CA12: variants seen among roughly 807,000 people sequenced by gnomAD.
The protein encoded by CA12 is carbonate dehydratase XII.
CA12 carries 36 observed loss-of-function variants against 46.8 expected under a neutral mutation model. The observed-to-expected ratio is 0.77, with a 90% CI of 0.59 to 1.02. CA12 has a LOEUF of 1.02. CA12 is among the 50% of genes least tolerant of loss of function. CA12 has a pLI of 0.00. For missense variants in CA12, 436 were observed against 451.4 expected, an observed-to-expected ratio of 0.97 and a Z score of 0.31; for synonymous variants, 202 against 187.0, an observed-to-expected ratio of 1.08 and a Z score of -0.65.
intron 3 of CA12, among the ~76,000 whole-genome samples, chr15:63,346,317 G>A (rs922884184): frequency 6.6e-6 from 1 of 152,166 alleles, no homozygotes; most frequent in Non-Finnish European, 1.5e-5. Context: ...CTTCTTCTGG[G>A]AAGTGCGGCC....
At chr15:63,357,929 C>CA (rs1426625728) in intron 2 of CA12, among the ~76,000 whole-genome samples, 1 of 152,160 alleles carries the variant, frequency 6.6e-6, no homozygotes, top group Non-Finnish European at 1.5e-5. Flanking sequence ...AATATGTGGT[C>CA]AATTGCAGGT....
At chr15:63,344,982 G>A (rs1362792167) in intron 4 of CA12, among the ~76,000 whole-genome samples, 1 of 152,146 alleles carries the variant, frequency 6.6e-6, no homozygotes, top group East Asian at 1.9e-4. Flanking sequence ...TAGACTTGTG[G>A]CCAGGTAGAA....
At position 63,322,023 on chromosome 15, in the gene CA12, C is replaced by G. The variant is rs569059522; in HGVS notation, c.*4262G>C. On this transcript the variant is annotated 3_prime_UTR_variant, in exon 11 of 11. Coordinates refer to ENST00000178638, the MANE Select transcript of CA12 (RefSeq NM_001218.5). The surrounding 1 kb of genome is among the most constrained non-coding windows in gnomAD (Gnocchi z 4.1). The stretch of plus-strand genomic sequence containing the variant: ...CTCAGTCTCTGAAAGTCGGGTTCGT[C>G]GTCCGGGTCTGCGCAGGGCATGGAT... 2 of 152,190 alleles carry G rather than the reference C, an allele frequency of 1.3e-5. No homozygotes were observed. Among genetic ancestry groups the G allele is most frequent in the African/African-American group, 4.8e-5 (2 of 41,428 alleles). 9.4% of individuals were successfully genotyped at this position (152,190 alleles called of 1,614,324 possible). A position where few individuals can be genotyped will look rare whatever the true frequency, so the allele number is the denominator to read the frequency against.
At chr15:63,343,849 C>G (rs879366565) in intron 4 of CA12, among the ~76,000 whole-genome samples, 1 of 152,096 alleles carries the variant, frequency 6.6e-6, no homozygotes, top group Non-Finnish European at 1.5e-5. Context: ...ATCACTAAGC[C>G]AAAGAGAAAA....
chr15:63,360,822 T>C (rs1450956043), intron 2 of CA12, among the ~76,000 whole-genome samples: 2 of 152,202 alleles, frequency 1.3e-5, no homozygotes, highest in East Asian at 3.8e-4. Context: ...TAGCACTTAG[T>C]GTGCTTCATT....
In CA12 at chr15:63,338,874, G is replaced by A. The variant is rs2152614789; in HGVS notation, c.819C>T (p.Asn273=). Residue 273 remains asparagine (N), a synonymous_variant, in exon 8 of 11, where the codon AAC becomes AAT. Transcript: ENST00000178638. ...CATCGAACTTCTGGACCTGCCGGAA[G>A]TTGTTGATCATTTCTCTGGGGGAAG... ...DDPSPREMIN[N]FRQVQKFDER... is the part of the protein sequence containing the mutation. 1 of 1,614,206 alleles carries A rather than the reference G, an allele frequency of 6.2e-7. No homozygotes were observed. The highest frequency in any genetic ancestry group is 1.1e-5 in the South Asian group (1 of 91,080).
intron 2 of CA12, among the ~76,000 whole-genome samples, chr15:63,357,610 A>T (rs1053810048): frequency 6.6e-6 from 1 of 152,108 alleles, no homozygotes; most frequent in Non-Finnish European, 1.5e-5. Flanking sequence ...GAGCAGAGTC[A>T]GGGCCTTTTT....
At chr15:63,368,914 T>G (rs1185463586) in intron 2 of CA12, among the ~76,000 whole-genome samples, 1 of 152,034 alleles carries the variant, frequency 6.6e-6, no homozygotes, top group African/African-American at 2.4e-5. Context: ...AACCCCAAAC[T>G]AGGCTCAGCC....
At chr15:63,364,883 C>T (rs1452977643) in intron 2 of CA12, among the ~76,000 whole-genome samples, 1 of 152,240 alleles carries the variant, frequency 6.6e-6, no homozygotes, top group East Asian at 1.9e-4. Context: ...CTCTTTCAGC[C>T]CTGTGCTGCT....
Position 63,341,988 on chromosome 15 carries a change from T to C in CA12, c.525+14A>G, listed in dbSNP as rs1413031254. On this transcript the variant is annotated intron_variant, in intron 5 of 10. Coordinates refer to ENST00000178638, the MANE Select transcript of CA12 (RefSeq NM_001218.5). This position sits in a 1 kb window ranked among gnomAD's most constrained non-coding sequence, Gnocchi z 5.2. ...CTTCAAATTTCACCTAAGAACCTTT[T>C]AAATATCTCTTACCTCAATGAGAAC... 6.3e-7 allele frequency: 1 copy of C among 1,592,202 alleles called. No homozygotes were observed.
At chr15:63,346,805 C>T in intron 2 of CA12, 96 bp from the exon 3 acceptor site, 1 of 1,402,382 alleles carries the variant, frequency 7.1e-7, no homozygotes, top group Admixed American at 1.8e-5. Context: ...CTCCTTTTCT[C>T]CTCTTTTCTG....
rs1446173712 is a variant in CA12, at chr15:63,330,735, G to A, written c.875-2605C>T. ...CCCTGCGTGGTGGCTTCTCTGGAGG[G>A]AGAGTCTGGCTTCCCCCGGTTATTA... On this transcript the variant is annotated intron_variant, in intron 8 of 10. Coordinates refer to ENST00000178638, the MANE Select transcript of CA12 (RefSeq NM_001218.5). This position sits in a 1 kb window ranked among gnomAD's most constrained non-coding sequence, Gnocchi z 4.0. Among the ~76,000 whole-genome samples the A allele has an allele frequency of 6.6e-6, 1 of 152,210 alleles. No individual in the cohort carries two copies. The highest frequency in any genetic ancestry group is 2.1e-4 in the South Asian group (1 of 4,836).
intron 1 of CA12, among the ~76,000 whole-genome samples, chr15:63,380,554 G>A (rs1383168372): frequency 1.3e-5 from 2 of 152,124 alleles, no homozygotes; most frequent in South Asian, 2.1e-4. Flanking sequence ...CTTTTACATC[G>A]CTCCTTTCTC....
chr15:63,330,612 G>A lies in CA12; in HGVS notation c.875-2482C>T, dbSNP rs958496243. ...AGACCACTGAGCAGCCCAGTCTGTG[G>A]CTGGTGGGGGTACCCTTCATGCCTG... is the stretch of plus-strand genomic sequence containing the variant. On this transcript the variant is annotated intron_variant, in intron 8 of 10. Transcript: ENST00000178638. The surrounding 1 kb of genome is among the most constrained non-coding windows in gnomAD (Gnocchi z 4.0). Among the ~76,000 whole-genome samples, 15 of 152,356 alleles carry A rather than the reference G, an allele frequency of 9.8e-5. No individual in the cohort carries two copies. Among genetic ancestry groups the A allele is most frequent in the Admixed American group, 8.5e-4 (13 of 15,302 alleles).
At chr15:63,349,167 TG>T (rs2039193000) in intron 2 of CA12, among the ~76,000 whole-genome samples, 1 of 151,986 alleles carries the variant, frequency 6.6e-6, no homozygotes, top group Non-Finnish European at 1.5e-5. Flanking sequence ...GTGGGCGTAG[TG>T]GTGGGGATGG....
rs1005218383 is a variant in CA12 at position 63,328,503 on chromosome 15, T to G, written c.875-373A>C. 6.6e-6 allele frequency among the ~76,000 whole-genome samples: 1 copy of G among 151,640 alleles called. No individual in the cohort carries two copies. Among genetic ancestry groups the G allele is most frequent in the Non-Finnish European group, 1.5e-5 (1 of 67,934 alleles). The stretch of plus-strand genomic sequence containing the variant: ...AGCACCTGCCACCACACCCAGCTAA[T>G]TTTTGGATTTTTAGTAGAGACAGGG... On this transcript the variant is annotated intron_variant, in intron 8 of 10. Coordinates refer to ENST00000178638, the MANE Select transcript of CA12 (RefSeq NM_001218.5). This position sits in a 1 kb window ranked among gnomAD's most constrained non-coding sequence, Gnocchi z 5.9.
intron 8 of CA12, among the ~76,000 whole-genome samples, chr15:63,332,284 G>A (rs577237126): frequency 5.3e-5 from 8 of 152,170 alleles, no homozygotes; most frequent in African/African-American, 1.2e-4. Flanking sequence ...ATTTAACTGC[G>A]GAGTTTTCCT....
intron 8 of CA12, among the ~76,000 whole-genome samples, chr15:63,337,405 A>C (rs2039016663): frequency 6.6e-6 from 1 of 152,206 alleles, no homozygotes; most frequent in African/African-American, 2.4e-5. Context: ...GCACCAGGTG[A>C]GACGAGGAGA....
At chr15:63,356,368 G>A (rs2039295673) in intron 2 of CA12, among the ~76,000 whole-genome samples, 1 of 152,160 alleles carries the variant, frequency 6.6e-6, no homozygotes, top group African/African-American at 2.4e-5. Context: ...ACTCCGGCCT[G>A]GGTGACAGAG....
Sources: gnomAD v4.1 joint callset for allele counts (sites outside exome capture counted in the v4.1 genomes callset) on GRCh38, gnomAD v4.1.1 for gene constraint, Gnocchi (gnomAD v3.1) non-coding constraint, MANE v1.5 for transcripts, NCBI Gene and HGNC (gene_info 2026-07-23, HGNC 2026-07-21) for gene names.